FHDC1: variants seen among roughly 807,000 people sequenced by gnomAD.
The protein encoded by FHDC1 is FH2 domain containing 1, also known as FH2 domain-containing protein 1.
FHDC1 carries 25 observed loss-of-function variants against 52.6 expected under a neutral mutation model. The observed-to-expected ratio is 0.48, with a 90% CI of 0.35 to 0.66. The LOEUF (loss-of-function observed/expected upper bound fraction) is 0.66, where lower values mean the gene tolerates loss of function less well. Among genes scored for constraint, FHDC1 ranks in the 30% least tolerant of loss-of-function variants. FHDC1 has a pLI of 0.01. For synonymous variants in FHDC1, 616 were observed against 581.5 expected (o/e 1.06, Z -0.85); for missense variants, 1,459 against 1,452.8 (o/e 1.00, Z -0.07).
chr4:152,936,755 G>A (rs1230706337), intron 1 of FHDC1, among the ~76,000 whole-genome samples: 1 of 152,266 alleles, frequency 6.6e-6, no homozygotes, highest in Non-Finnish European at 1.5e-5. Context: ...GTCGCACCTG[G>A]GCGGTTGACT....
At position 152,968,099 on chromosome 4, in the gene FHDC1, T is replaced by C; in HGVS notation, c.1218+2T>C. The C allele has an allele frequency of 6.2e-7, 1 of 1,610,588 alleles. No homozygotes were observed. The highest frequency in any genetic ancestry group is 8.5e-7 in the Non-Finnish European group (1 of 1,177,502). On this transcript the variant is annotated splice_donor_variant, in intron 10 of 11. Transcript: ENST00000511601. LOFTEE classifies it high-confidence loss of function. ...CAGCAGATGGAAGATTTTCTTCAGG[T>C]TTGTAGGTGACTCAAGTCAGTCCCT...
At position 152,975,927 on chromosome 4, in the gene FHDC1, G is replaced by A; in HGVS notation, c.2636G>A (p.Ser879Asn). 2 of 1,514,034 alleles carry A rather than the reference G, an allele frequency of 1.3e-6. No individual in the cohort carries two copies. Among genetic ancestry groups the A allele is most frequent in the Non-Finnish European group, 1.8e-6 (2 of 1,133,552 alleles). 93.8% of individuals were successfully genotyped at this position (1,514,034 alleles called of 1,614,324 possible). A position where few individuals can be genotyped will look rare whatever the true frequency, so the allele number is the denominator to read the frequency against. ...TCTCCCGGGGCCTCCAAGCCCGGGA[G>A]CGCCCGGCGGAGCCAGGGGGCAGTG... ...EASPGASKPGSARRSQGAVAK... is the reference protein window; with the variant it reads ...EASPGASKPGNARRSQGAVAK... The change falls in exon 12 of 12, where the codon AGC becomes AAC. Residue 879 changes from serine (S) to asparagine (N), a missense_variant. Physicochemically the swap from Ser to Asn is conservative, Grantham distance 46 (BLOSUM62 1). Coordinates refer to ENST00000511601, the MANE Select transcript of FHDC1 (RefSeq NM_001371116.1).
chr4:152,974,126 T>C lies in FHDC1; in HGVS notation c.1384-549T>C, dbSNP rs75685106. 3.4e-3 allele frequency among the ~76,000 whole-genome samples: 519 copies of C among 152,288 alleles called. 6 individuals carry two copies. The highest frequency in any genetic ancestry group is 0.012 in the African/African-American group (497 of 41,550). On this transcript the variant is annotated intron_variant, in intron 11 of 11. Transcript: ENST00000511601. ...CTATACATTAATACATCCAAATCACTGTTAAGTAGAATGTGCTACACATGA... is the reference window on the plus strand; with the variant it reads ...CTATACATTAATACATCCAAATCACCGTTAAGTAGAATGTGCTACACATGA...
chr4:152,962,979 GTGTA>G (rs763712321), intron 7 of FHDC1, 40 bp from the exon 8 acceptor site: 15 of 1,445,470 alleles, frequency 1.0e-5, no homozygotes, highest in Middle Eastern at 1.7e-4. Context: ...GTGTGTGTGT[GTGTA>G]TGTATACATA....
At chr4:152,954,346 G>T (rs770033864) in intron 4 of FHDC1, 27 bp downstream of exon 4, 36 of 1,558,960 alleles carry the variant, frequency 2.3e-5, no homozygotes, top group Non-Finnish European at 3.0e-5. Context: ...ATGAGTTGTA[G>T]ATGTTAGGAG....
chr4:152,922,205 A>G, the FHDC1 span, among the ~76,000 whole-genome samples: 3 of 152,248 alleles, frequency 2.0e-5, no homozygotes, highest in East Asian at 1.9e-4. Flanking sequence ...AATGCAAACT[A>G]CCATCAGAGA....
chr4:152,969,130 C>A (rs944260712), intron 10 of FHDC1, among the ~76,000 whole-genome samples: 1 of 149,998 alleles, frequency 6.7e-6, no homozygotes, highest in Non-Finnish European at 1.5e-5. Flanking sequence ...TAGTCTTCAG[C>A]GAAAGGCTAT....
rs1172669714 is a variant in FHDC1 at position 152,976,066 on chromosome 4, G to A, written c.2775G>A (p.Arg925=). The A allele has an allele frequency of 1.2e-6, 2 of 1,600,168 alleles. No individual in the cohort carries two copies. The highest frequency in any genetic ancestry group is 1.7e-6 in the Non-Finnish European group (2 of 1,174,000). The stretch of plus-strand genomic sequence containing the variant: ...GGAGGCGACCAGAGCTGTCATCCCG[G>A]GGGCCCTCCCAGAATCCCCCCAGCA... ...AGWRRPELSS[R]GPSQNPPSST... Residue 925 remains arginine (R), a synonymous_variant, in exon 12 of 12, where the codon CGG becomes CGA. Coordinates refer to ENST00000511601, the MANE Select transcript of FHDC1 (RefSeq NM_001371116.1).
intron 10 of FHDC1, among the ~76,000 whole-genome samples, chr4:152,970,457 A>T (rs1187381192): frequency 1.3e-5 from 2 of 152,180 alleles, no homozygotes; most frequent in Non-Finnish European, 2.9e-5. Flanking sequence ...CCAAAGGGTG[A>T]CTTCAGTGTG....
chr4:152,960,138 C>T (rs1013043330), intron 4 of FHDC1, among the ~76,000 whole-genome samples: 2 of 151,894 alleles, frequency 1.3e-5, no homozygotes, highest in South Asian at 2.1e-4. Context: ...GATTTTTTTC[C>T]GTTTATGACT....
intron 4 of FHDC1, among the ~76,000 whole-genome samples, chr4:152,957,530 C>T (rs1450152024): frequency 1.3e-5 from 2 of 152,210 alleles, no homozygotes; most frequent in East Asian, 1.9e-4. Context: ...CTGCTGCACT[C>T]CACTGCCTGC....
intron 2 of FHDC1, among the ~76,000 whole-genome samples, chr4:152,948,143 A>C (rs1017448514): frequency 6.6e-6 from 1 of 152,232 alleles, no homozygotes; most frequent in African/African-American, 2.4e-5. Context: ...CAAAACCCGA[A>C]AGCTAGGTCC....
At chr4:152,926,267 GACACACACACACACACACACAC>G in the FHDC1 span, among the ~76,000 whole-genome samples, 3 of 144,440 alleles carry the variant, frequency 2.1e-5, no homozygotes, top group South Asian at 6.8e-4. Context: ...TTAAAATACA[GACACACACACACACACACACAC>G]ACACACACAC....
the FHDC1 span, among the ~76,000 whole-genome samples, chr4:152,925,802 G>A: frequency 6.7e-6 from 1 of 149,570 alleles, no homozygotes; most frequent in African/African-American, 2.5e-5. Flanking sequence ...CTCTGTTATA[G>A]TAACTATTTT....
At chr4:152,928,308 C>T in the FHDC1 span, 4 of 543,782 alleles carry the variant, frequency 7.4e-6, no homozygotes, top group Non-Finnish European at 1.3e-5. Flanking sequence ...ACTCCTTTGC[C>T]TGCATCCTGT....
rs1361581757 is a variant in FHDC1, at chr4:152,974,766, T to C, written c.1475T>C (p.Leu492Pro). Residue 492 changes from leucine (L) to proline (P), a missense_variant, in exon 12 of 12, where the codon CTG (leucine) becomes CCG (proline). By Grantham distance (98) the Leu-to-Pro change is moderately conservative. Coordinates refer to ENST00000511601, the MANE Select transcript of FHDC1 (RefSeq NM_001371116.1). ...QKQRSWATGE[L>P]GAFGRSSSEN... is the part of the protein sequence containing the mutation. The stretch of plus-strand genomic sequence containing the variant: ...CAGCGCTCCTGGGCAACTGGGGAGC[T>C]GGGGGCATTTGGCCGGAGCAGCAGT... 1.3e-6 allele frequency: 2 copies of C among 1,533,554 alleles called. No individual in the cohort carries two copies. Among genetic ancestry groups the C allele is most frequent in the Admixed American group, 2.0e-5 (1 of 49,518 alleles). The allele number at this position is 1,533,554 out of a possible 1,614,324, so 95.0% of individuals were successfully genotyped here. A position where few individuals can be genotyped will look rare whatever the true frequency, so the allele number is the denominator to read the frequency against.
chr4:152,970,541 G>C lies in FHDC1; in HGVS notation c.1219-1836G>C, dbSNP rs117025492. ...GATGAAACATACGAGGTGGAGCTGAGCTCCCATGTAGATTCTTGTCAAGAG... is the reference window on the plus strand; with the variant it reads ...GATGAAACATACGAGGTGGAGCTGACCTCCCATGTAGATTCTTGTCAAGAG... On this transcript the variant is annotated intron_variant, in intron 10 of 11. Coordinates refer to ENST00000511601, the MANE Select transcript of FHDC1 (RefSeq NM_001371116.1). Among the ~76,000 whole-genome samples the C allele has an allele frequency of 4.5e-4, 68 of 152,342 alleles. No individual in the cohort carries two copies. In the East Asian group the frequency reaches 0.013, roughly 28 times the overall value.
rs561344463 is a variant in FHDC1, at chr4:152,975,110, G to A, written c.1819G>A (p.Gly607Ser). ...TGCACACAAACCTCAGGCCTCGGGG[G>A]GCCAGGAGGAGGCCCCCAACCCACC... ...SFAHKPQASG[G>S]QEEAPNPPSA... Residue 607 changes from glycine (G) to serine (S), a missense_variant, in exon 12 of 12, where the codon GGC becomes AGC. By Grantham distance (56) the Gly-to-Ser change is moderately conservative (BLOSUM62 0). This residue lies in a region of FHDC1 where 939 missense variants were observed against 854.5 expected (regional missense o/e 1.10). Transcript: ENST00000511601. The A allele has an allele frequency of 2.5e-6, 4 of 1,612,712 alleles. No individual in the cohort carries two copies. The highest frequency in any genetic ancestry group is 1.7e-5 in the Admixed American group (1 of 60,028).
chr4:152,959,890 C>G (rs1740220692), intron 4 of FHDC1, among the ~76,000 whole-genome samples: 1 of 152,290 alleles, frequency 6.6e-6, no homozygotes, highest in South Asian at 2.1e-4. Context: ...GACCTCCTTT[C>G]CAGGCATCCA....
Sources: allele counts gnomAD v4.1 joint callset (sites outside exome capture counted in the v4.1 genomes callset), GRCh38; gene constraint gnomAD v4.1.1; regional missense constraint gnomAD v4.1.1; transcripts MANE v1.5; gene names NCBI Gene and HGNC (gene_info 2026-07-23, HGNC 2026-07-21).